Variants in KCNJ6 observed in about 807,000 individuals in gnomAD.
The protein encoded by KCNJ6 is potassium inwardly rectifying channel subfamily J member 6.
KCNJ6 carries 9 observed loss-of-function variants against 34.2 expected under a neutral mutation model. The ratio of observed to expected loss-of-function variants is 0.26; its 90% CI spans 0.16 to 0.46. The LOEUF is 0.46. KCNJ6 is among the 20% of genes least tolerant of loss of function. The pLI is 1.00. For missense variants in KCNJ6, 236 were observed against 531.3 expected (o/e 0.44, Z 5.46); for synonymous variants, 196 against 207.1 (o/e 0.95, Z 0.46).
intron 1 of KCNJ6, among the ~76,000 whole-genome samples, chr21:37,897,723 T>C (rs1393322869): frequency 6.6e-6 from 1 of 152,204 alleles, no homozygotes. Context: ...TCTCTGCCTT[T>C]GAAGTCCTGG....
intron 2 of KCNJ6, among the ~76,000 whole-genome samples, chr21:37,729,225 A>G (rs2054871195): frequency 6.6e-6 from 1 of 152,122 alleles, no homozygotes; most frequent in South Asian, 2.1e-4. Flanking sequence ...TGCCCATGGC[A>G]TATGGCTGGG....
intron 1 of KCNJ6, among the ~76,000 whole-genome samples, chr21:37,906,430 C>G (rs1301199301): frequency 2.6e-5 from 4 of 152,212 alleles, no homozygotes; most frequent in African/African-American, 9.6e-5. Flanking sequence ...CTCCTTAAAG[C>G]AGATCTGAGG....
chr21:37,651,592 C>T (rs1052929274), intron 3 of KCNJ6, among the ~76,000 whole-genome samples: 1 of 152,094 alleles, frequency 6.6e-6, no homozygotes, highest in Non-Finnish European at 1.5e-5. Context: ...GGGAAATAGA[C>T]TGAGCTTGAT....
chr21:37,845,537 G>A (rs1301835128), intron 1 of KCNJ6, among the ~76,000 whole-genome samples: 6 of 152,168 alleles, frequency 3.9e-5, no homozygotes, highest in Non-Finnish European at 8.8e-5. Context: ...GGGGATAGGT[G>A]GAATTTGCAC....
rs76137531 is a variant in KCNJ6 at position 37,865,291 on chromosome 21, G to A, written c.-27-24582C>T. 4.8e-3 allele frequency among the ~76,000 whole-genome samples: 734 copies of A among 152,298 alleles called. 9 individuals are homozygous for A. Among genetic ancestry groups the A allele is most frequent in the African/African-American group, 0.016 (665 of 41,550 alleles). ...AGAAATACTCTACTTCACTTGATACGAAAAACAGAAGTTACCATTATACAG... is the reference window on the plus strand; with the variant it reads ...AGAAATACTCTACTTCACTTGATACAAAAAACAGAAGTTACCATTATACAG... On this transcript the variant is annotated intron_variant, in intron 1 of 3. Coordinates refer to ENST00000609713, the MANE Select transcript of KCNJ6 (RefSeq NM_002240.5).
At chr21:37,696,228 C>T (rs2054662985) in intron 3 of KCNJ6, among the ~76,000 whole-genome samples, 1 of 152,158 alleles carries the variant, frequency 6.6e-6, no homozygotes, top group Non-Finnish European at 1.5e-5. Context: ...TTTACATGGC[C>T]TCAAAGTAAC....
chr21:37,870,988 A>C (rs892802579), intron 1 of KCNJ6, among the ~76,000 whole-genome samples: 4 of 152,182 alleles, frequency 2.6e-5, no homozygotes, highest in African/African-American at 4.8e-5. Context: ...CTATCTACCC[A>C]GATTTTTTTT....
chr21:37,846,353 C>CTGTGTGTGTG (rs55697215), intron 1 of KCNJ6, among the ~76,000 whole-genome samples: 108 of 145,054 alleles, frequency 7.4e-4, no homozygotes, highest in Admixed American at 1.2e-3. Flanking sequence ...CTGAGACACT[C>CTGTGTGTGTG]TGTGTGTGTG....
chr21:37,771,533 G>A (rs759646327), intron 2 of KCNJ6, among the ~76,000 whole-genome samples: 4 of 152,086 alleles, frequency 2.6e-5, no homozygotes, highest in African/African-American at 9.7e-5. Context: ...TCTGGTAAAC[G>A]TTGACTGATA....
chr21:37,769,415 A>T (rs778852270), intron 2 of KCNJ6, among the ~76,000 whole-genome samples: 7 of 29,586 alleles, frequency 2.4e-4, no homozygotes, highest in Non-Finnish European at 3.4e-4. Flanking sequence ...CTTCAATTTT[A>T]TTATTATTAT....
At chr21:37,886,082 G>A (rs185404142) in intron 1 of KCNJ6, among the ~76,000 whole-genome samples, 1 of 152,264 alleles carries the variant, frequency 6.6e-6, no homozygotes, top group East Asian at 1.9e-4. Context: ...AGCAGAGTGG[G>A]CTGGAAAGAA....
intron 2 of KCNJ6, among the ~76,000 whole-genome samples, chr21:37,736,377 G>A (rs1439734572): frequency 1.3e-5 from 2 of 152,196 alleles, no homozygotes; most frequent in Non-Finnish European, 2.9e-5. Context: ...ACTGCTTTAT[G>A]AGCATGGGCT....
intron 2 of KCNJ6, among the ~76,000 whole-genome samples, chr21:37,745,453 G>A (rs2054963157): frequency 6.6e-6 from 1 of 151,964 alleles, no homozygotes; most frequent in South Asian, 2.1e-4. Context: ...TGTGGGAAGG[G>A]GACCATGAGC....
At chr21:37,875,909 A>G (rs2055675860) in intron 1 of KCNJ6, among the ~76,000 whole-genome samples, 2 of 152,226 alleles carry the variant, frequency 1.3e-5, no homozygotes, top group South Asian at 2.1e-4. Flanking sequence ...TATAAAGTTG[A>G]AAAGTAATTT....
At chr21:37,859,811 A>G (rs1282514346) in intron 1 of KCNJ6, among the ~76,000 whole-genome samples, 1 of 152,116 alleles carries the variant, frequency 6.6e-6, no homozygotes, top group East Asian at 1.9e-4. Flanking sequence ...TGAAGTTATA[A>G]AGTACTGGGG....
At chr21:37,890,440 AG>A (rs1038024542) in intron 1 of KCNJ6, among the ~76,000 whole-genome samples, 13 of 152,208 alleles carry the variant, frequency 8.5e-5, no homozygotes, top group Non-Finnish European at 1.5e-4. Context: ...ACTTCTCAAA[AG>A]AGTTTTACAG....
chr21:37,668,907 G>C (rs750318551), intron 3 of KCNJ6, among the ~76,000 whole-genome samples: 2 of 152,234 alleles, frequency 1.3e-5, no homozygotes, highest in Middle Eastern at 3.4e-3. Flanking sequence ...GCTGGCTTTC[G>C]TGATGCAAAA....
At chr21:37,850,007 T>C (rs1334191866) in intron 1 of KCNJ6, among the ~76,000 whole-genome samples, 3 of 152,220 alleles carry the variant, frequency 2.0e-5, no homozygotes, top group African/African-American at 7.2e-5. Context: ...TGACATGAGA[T>C]GCTGACCAGT....
At chr21:37,825,667 C>T (rs1406852501) in intron 2 of KCNJ6, among the ~76,000 whole-genome samples, 1 of 152,150 alleles carries the variant, frequency 6.6e-6, no homozygotes, top group Non-Finnish European at 1.5e-5. Context: ...TCCGTTTCCA[C>T]ACTGCTAATA....
Sources: allele counts gnomAD v4.1 joint callset (sites outside exome capture counted in the v4.1 genomes callset), GRCh38; gene constraint gnomAD v4.1.1; transcripts MANE v1.5; gene names NCBI Gene and HGNC (gene_info 2026-07-23, HGNC 2026-07-21).